Variants in MAGI2 observed in about 807,000 individuals in gnomAD.
MAGI2 encodes the protein membrane associated guanylate kinase, WW and PDZ domain containing 2.
MAGI2 carries 35 observed loss-of-function variants against 133.3 expected under a neutral mutation model. The observed-to-expected ratio is 0.26, with a 90% CI of 0.20 to 0.35. MAGI2 has a LOEUF of 0.35. Among genes scored for constraint, MAGI2 ranks in the 10% least tolerant of loss-of-function variants. The pLI is 1.00. For missense variants in MAGI2, 1,636 were observed against 1,863.4 expected (o/e 0.88, Z 2.25); for synonymous variants, 729 against 710.6 (o/e 1.03, Z -0.41).
intron 2 of MAGI2, among the ~76,000 whole-genome samples, chr7:78,919,182 T>C (rs1051162465): frequency 6.6e-6 from 1 of 152,066 alleles, no homozygotes; most frequent in Non-Finnish European, 1.5e-5. Flanking sequence ...TGTAGTCTTG[T>C]TAAGGATGGG....
intron 1 of MAGI2, among the ~76,000 whole-genome samples, chr7:79,356,764 C>T (rs886800621): frequency 2.6e-5 from 4 of 152,062 alleles, no homozygotes; most frequent in Admixed American, 6.6e-5. Flanking sequence ...AAGGAAACCA[C>T]GTTATAACCC....
At chr7:78,669,234 G>T (rs955855421) in intron 2 of MAGI2, among the ~76,000 whole-genome samples, 1 of 151,768 alleles carries the variant, frequency 6.6e-6, no homozygotes, top group African/African-American at 2.4e-5. Context: ...AATGATAAAG[G>T]GGATATCACC....
chr7:78,356,898 C>A (rs1173505140), intron 7 of MAGI2, among the ~76,000 whole-genome samples: 1 of 152,152 alleles, frequency 6.6e-6, no homozygotes, highest in Admixed American at 6.5e-5. Context: ...TCTTTCAGAC[C>A]AAACCAGCAT....
At chr7:79,245,200 C>T (rs1028241787) in intron 1 of MAGI2, among the ~76,000 whole-genome samples, 2 of 152,056 alleles carry the variant, frequency 1.3e-5, no homozygotes, top group Non-Finnish European at 2.9e-5. Context: ...GACATATTCC[C>T]AGCTATGGTG....
chr7:79,249,840 A>G (rs2129555594), intron 1 of MAGI2, among the ~76,000 whole-genome samples: 1 of 152,312 alleles, frequency 6.6e-6, no homozygotes, highest in Admixed American at 6.5e-5. Context: ...ACAAAGACAC[A>G]TCAAAAAAAG....
At chr7:78,413,782 G>A (rs944908142) in intron 6 of MAGI2, among the ~76,000 whole-genome samples, 8 of 151,958 alleles carry the variant, frequency 5.3e-5, no homozygotes, top group East Asian at 1.9e-4. Flanking sequence ...TGCTACACAC[G>A]GGCCAAGGAA....
intron 1 of MAGI2, among the ~76,000 whole-genome samples, chr7:79,346,553 G>A (rs541710546): frequency 2.0e-5 from 3 of 151,892 alleles, no homozygotes; most frequent in African/African-American, 7.2e-5. Flanking sequence ...TCCTTTTCTA[G>A]GCAATAAGGC....
At chr7:79,220,969 C>T (rs530236749) in intron 1 of MAGI2, among the ~76,000 whole-genome samples, 3 of 152,054 alleles carry the variant, frequency 2.0e-5, no homozygotes, top group South Asian at 2.1e-4. Context: ...TTAAAATTCA[C>T]CACCAGTAAA....
In MAGI2 at chr7:78,019,241, T is replaced by C; in HGVS notation, c.*74A>G. The C allele has an allele frequency of 6.5e-7, 1 of 1,531,380 alleles. No individual in the cohort carries two copies. The highest frequency in any genetic ancestry group is 8.8e-7 in the Non-Finnish European group (1 of 1,136,752). 94.9% of individuals were successfully genotyped at this position (1,531,380 alleles called of 1,614,324 possible). ...CTATGCGTGTGACAGTGAAAATAAATTAAAACGCCGTGAGACGGAACCTAA... is the reference window on the plus strand; with the variant it reads ...CTATGCGTGTGACAGTGAAAATAAACTAAAACGCCGTGAGACGGAACCTAA... On this transcript the variant is annotated 3_prime_UTR_variant, in exon 22 of 22. Transcript: ENST00000354212.
At chr7:78,976,953 G>A (rs988337996) in intron 2 of MAGI2, among the ~76,000 whole-genome samples, 4 of 151,548 alleles carry the variant, frequency 2.6e-5, no homozygotes, top group African/African-American at 9.7e-5. Flanking sequence ...AAAGATCTAA[G>A]TAAATGGTAA....
intron 1 of MAGI2, among the ~76,000 whole-genome samples, chr7:79,305,888 C>T (rs1037950831): frequency 6.6e-6 from 1 of 151,984 alleles, no homozygotes; most frequent in Non-Finnish European, 1.5e-5. Context: ...GGCACTCCAA[C>T]CCGGGTGTAA....
chr7:79,208,295 T>C (rs1487312810), intron 1 of MAGI2, among the ~76,000 whole-genome samples: 1 of 150,830 alleles, frequency 6.6e-6, no homozygotes, highest in Non-Finnish European at 1.5e-5. Flanking sequence ...CTGATAAGGG[T>C]TTAATAACCA....
chr7:78,905,847 C>G (rs1797958794), intron 2 of MAGI2, among the ~76,000 whole-genome samples: 1 of 152,102 alleles, frequency 6.6e-6, no homozygotes, highest in South Asian at 2.1e-4. Flanking sequence ...TAACCCCTAA[C>G]AGTGATTCTC....
At chr7:78,363,241 C>T (rs1347787818) in intron 7 of MAGI2, among the ~76,000 whole-genome samples, 1 of 152,170 alleles carries the variant, frequency 6.6e-6, no homozygotes. Flanking sequence ...CACCTGTAAT[C>T]CCAGCACTTT....
intron 3 of MAGI2, among the ~76,000 whole-genome samples, chr7:78,565,047 C>G (rs1800807367): frequency 6.6e-6 from 1 of 151,934 alleles, no homozygotes; most frequent in African/African-American, 2.4e-5. Flanking sequence ...TCTGCCTCAG[C>G]CTTCCAAAGT....
At chr7:79,125,267 GA>G in intron 1 of MAGI2, 1 of 450,116 alleles carries the variant, frequency 2.2e-6, no homozygotes, top group South Asian at 1.7e-5. Context: ...GTGAAGTAAG[GA>G]AAGCCCTGCC....
At chr7:79,364,939 C>A (rs1250189362) in intron 1 of MAGI2, among the ~76,000 whole-genome samples, 1 of 151,248 alleles carries the variant, frequency 6.6e-6, no homozygotes, top group Non-Finnish European at 1.5e-5. Flanking sequence ...CTGGTAAAAC[C>A]CATGTGAAAA....
intron 1 of MAGI2, among the ~76,000 whole-genome samples, chr7:79,107,912 C>T (rs977923985): frequency 2.0e-5 from 3 of 151,562 alleles, no homozygotes; most frequent in African/African-American, 7.3e-5. Context: ...TAGTATATAC[C>T]CACAGATTCT....
At chr7:78,739,867 A>G (rs571067658) in intron 2 of MAGI2, among the ~76,000 whole-genome samples, 4 of 152,108 alleles carry the variant, frequency 2.6e-5, no homozygotes, top group African/African-American at 4.8e-5. Context: ...GTAAGCGTGT[A>G]TGATAACCTG....
Sources: gnomAD v4.1 joint callset for allele counts (sites outside exome capture counted in the v4.1 genomes callset) on GRCh38, gnomAD v4.1.1 for gene constraint, MANE v1.5 for transcripts, NCBI Gene and HGNC (gene_info 2026-07-23, HGNC 2026-07-21) for gene names.